Variants in CNTN6 observed in about 807,000 individuals in gnomAD.
The protein encoded by CNTN6 is contactin 6.
In CNTN6, 137 loss-of-function variants were observed where a neutral mutation model predicts 122.8. That is an observed-to-expected ratio of 1.12 (90% CI 0.97 to 1.29). The LOEUF is 1.29. Among genes scored for constraint, CNTN6 ranks in the 50% most tolerant of loss-of-function variants. CNTN6 has a pLI of 0.00. For synonymous variants in CNTN6, 570 were observed against 426.0 expected (o/e 1.34, Z -4.16); for missense variants, 1,634 against 1,223.4 (o/e 1.34, Z -5.01).
intron 11 of CNTN6, among the ~76,000 whole-genome samples, chr3:1,337,409 C>T (rs1703229348): frequency 6.6e-6 from 1 of 152,108 alleles, no homozygotes; most frequent in East Asian, 1.9e-4. Flanking sequence ...CCCAAGTGCT[C>T]AGTCTTAATA....
chr3:1,094,060 G>T (rs548563437), intron 1 of CNTN6, among the ~76,000 whole-genome samples: 1 of 152,312 alleles, frequency 6.6e-6, no homozygotes, highest in East Asian at 1.9e-4. Context: ...TTTGGAAAAT[G>T]AGGTATTCAT....
intron 1 of CNTN6, among the ~76,000 whole-genome samples, chr3:1,144,609 A>T (rs577795509): frequency 1.3e-5 from 2 of 152,002 alleles, no homozygotes; most frequent in African/African-American, 4.8e-5. Context: ...AATAAAAAAT[A>T]AAAAAAGAAT....
At chr3:1,157,946 G>A (rs1161182308) in intron 2 of CNTN6, among the ~76,000 whole-genome samples, 4 of 152,152 alleles carry the variant, frequency 2.6e-5, no homozygotes, top group African/African-American at 4.8e-5. Flanking sequence ...GAATAGTGCT[G>A]CAACAAACAT....
At chr3:1,257,402 A>T (rs1272678151) in intron 4 of CNTN6, among the ~76,000 whole-genome samples, 1 of 152,106 alleles carries the variant, frequency 6.6e-6, no homozygotes, top group African/African-American at 2.4e-5. Flanking sequence ...TTTGTGGCAC[A>T]TGCAGAAACA....
At chr3:1,380,612 G>A (rs1691718727) in intron 17 of CNTN6, among the ~76,000 whole-genome samples, 1 of 152,020 alleles carries the variant, frequency 6.6e-6, no homozygotes, top group Non-Finnish European at 1.5e-5. Flanking sequence ...TTATTTAAAG[G>A]GCCAGACAGT....
In CNTN6 at chr3:1,370,884, C is replaced by T. The variant is rs150855549; in HGVS notation, c.1493-1415C>T. ...TAACAAAAGTAAAAAAAAGTACATG[C>T]ATCTAATATAAATATGGAAAGTATT... On this transcript the variant is annotated intron_variant, in intron 12 of 22. Transcript: ENST00000446702. 4.6e-4 allele frequency among the ~76,000 whole-genome samples: 70 copies of T among 151,924 alleles called. No individual in the cohort carries two copies. The East Asian group carries it at 0.013, about 28-fold the overall frequency.
At chr3:1,347,295 G>T (rs1469884622) in intron 11 of CNTN6, among the ~76,000 whole-genome samples, 1 of 152,074 alleles carries the variant, frequency 6.6e-6, no homozygotes, top group Non-Finnish European at 1.5e-5. Flanking sequence ...AAATGCAAAT[G>T]CTATAATCAG....
At chr3:1,190,519 G>A (rs1301096557) in intron 2 of CNTN6, among the ~76,000 whole-genome samples, 1 of 152,152 alleles carries the variant, frequency 6.6e-6, no homozygotes, top group Admixed American at 6.5e-5. Context: ...TGGTTGAGTT[G>A]TTTGACAGGT....
At chr3:1,136,418 G>C (rs1559377996) in intron 1 of CNTN6, among the ~76,000 whole-genome samples, 1 of 152,136 alleles carries the variant, frequency 6.6e-6, no homozygotes, top group Non-Finnish European at 1.5e-5. Context: ...CGAATCCCAT[G>C]ATCATGGAAG....
chr3:1,265,819 A>C (rs2094917414), intron 4 of CNTN6, among the ~76,000 whole-genome samples: 2 of 152,164 alleles, frequency 1.3e-5, no homozygotes, highest in Admixed American at 1.3e-4. Flanking sequence ...AGCCTGAAAC[A>C]CAAAAAACCT....
At chr3:1,212,556 TATACAC>T (rs891843666) in intron 2 of CNTN6, among the ~76,000 whole-genome samples, 7 of 151,812 alleles carry the variant, frequency 4.6e-5, no homozygotes, top group African/African-American at 1.7e-4. Flanking sequence ...TATATATGTG[TATACAC>T]ATACACATAC....
chr3:1,219,295 A>T (rs2094172733), intron 2 of CNTN6, among the ~76,000 whole-genome samples: 1 of 152,188 alleles, frequency 6.6e-6, no homozygotes, highest in African/African-American at 2.4e-5. Context: ...TTAACCTTCT[A>T]CCTGACAGAA....
intron 11 of CNTN6, among the ~76,000 whole-genome samples, chr3:1,342,278 C>T (rs1047370095): frequency 9.2e-5 from 14 of 151,942 alleles, no homozygotes; most frequent in African/African-American, 2.4e-4. Flanking sequence ...TACAGGCGAG[C>T]GCCACCACAC....
intron 11 of CNTN6, among the ~76,000 whole-genome samples, chr3:1,342,870 A>G (rs1704105842): frequency 6.6e-6 from 1 of 152,170 alleles, no homozygotes; most frequent in Non-Finnish European, 1.5e-5. Flanking sequence ...TGACCGTTGG[A>G]CAACGGGGAT....
chr3:1,168,759 C>A (rs1380339249), intron 2 of CNTN6, among the ~76,000 whole-genome samples: 1 of 152,084 alleles, frequency 6.6e-6, no homozygotes, highest in Non-Finnish European at 1.5e-5. Context: ...CTGCATTTTG[C>A]ATGTTCTCTC....
chr3:1,260,497 A>C (rs537073262), intron 4 of CNTN6, among the ~76,000 whole-genome samples: 2 of 152,224 alleles, frequency 1.3e-5, no homozygotes, highest in African/African-American at 4.8e-5. Context: ...TTTTTGTAGC[A>C]GTAACCACAT....
At chr3:1,167,656 C>A (rs1207145485) in intron 2 of CNTN6, among the ~76,000 whole-genome samples, 2 of 152,146 alleles carry the variant, frequency 1.3e-5, no homozygotes, top group East Asian at 3.9e-4. Flanking sequence ...CCCCATTTTA[C>A]AGATGGGGAA....
chr3:1,223,588 T>C (rs1397631593), intron 3 of CNTN6, among the ~76,000 whole-genome samples: 1 of 152,186 alleles, frequency 6.6e-6, no homozygotes, highest in African/African-American at 2.4e-5. Flanking sequence ...ACCTGGAAAG[T>C]CTAGGAAAAT....
chr3:1,400,271 C>T (rs888110738), intron 20 of CNTN6, among the ~76,000 whole-genome samples: 2 of 152,042 alleles, frequency 1.3e-5, no homozygotes, highest in African/African-American at 4.8e-5. Flanking sequence ...CAAAAATAGT[C>T]ATGTGGACTC....
Sources: allele counts gnomAD v4.1 joint callset (sites outside exome capture counted in the v4.1 genomes callset), GRCh38; gene constraint gnomAD v4.1.1; transcripts MANE v1.5; gene names NCBI Gene and HGNC (gene_info 2026-07-23, HGNC 2026-07-21).